STS: variants seen among roughly 807,000 people sequenced by gnomAD.
STS encodes steroid sulfatase, also known as steryl-sulfatase.
Under a neutral mutation model 26.8 loss-of-function variants are expected in STS, and 7 were observed. That is an observed-to-expected ratio of 0.26 (90% CI 0.15 to 0.49). STS has a LOEUF of 0.49. STS is among the 20% of genes least tolerant of loss of function. The pLI, the probability that STS is intolerant of heterozygous loss-of-function variation, is 0.98. For synonymous variants in STS, 199 were observed against 189.4 expected (o/e 1.05, Z -0.42); for missense variants, 434 against 465.6 (o/e 0.93, Z 0.63).
intron 8 of STS, among the ~76,000 whole-genome samples, chrX:7,305,519 G>A (rs1179058680): frequency 8.9e-6 from 1 of 111,963 alleles, no homozygotes; most frequent in Non-Finnish European, 1.9e-5. Flanking sequence ...CAAACTTATG[G>A]GCTTAAAACA....
rs773320156 is a variant in STS at position 7,182,434 on chromosome X, C to T, written c.-133-8446C>T. ...AGGCCTCCTGGAGAGCTTTTGGGGCCGGGTACCTAACTACAAGCAGAAATG... is the reference window on the plus strand; with the variant it reads ...AGGCCTCCTGGAGAGCTTTTGGGGCTGGGTACCTAACTACAAGCAGAAATG... On this transcript the variant is annotated intron_variant, in intron 1 of 10. Transcript: ENST00000674429. Among the ~76,000 whole-genome samples the T allele has an allele frequency of 4.6e-5, 5 of 108,996 alleles. No homozygotes were observed. In the East Asian group the frequency reaches 1.5e-3, roughly 32 times the overall value. The allele number at this position is 108,996 out of a possible 115,157, so 94.6% of individuals were successfully genotyped here.
In STS at chrX:7,257,602, T is replaced by C; in HGVS notation, c.382+14T>C. 8.3e-7 allele frequency: 1 copy of C among 1,211,271 alleles called. No individual in the cohort carries two copies. The highest frequency in any genetic ancestry group is 1.1e-6 in the Non-Finnish European group (1 of 895,284). On this transcript the variant is annotated intron_variant, in intron 5 of 10. Transcript: ENST00000674429. ...CAGCACTGATAGGTATGGACATCTA[T>C]GGGATGGGAACCATCTATAGGTATG...
Position 7,345,279 on chromosome X carries a change from A to G in STS, c.1364-4609A>G, listed in dbSNP as rs542685046. Among the ~76,000 whole-genome samples, 93 of 111,841 alleles carry G rather than the reference A, an allele frequency of 8.3e-4. 1 individual carries two copies. The highest frequency in any genetic ancestry group is 2.9e-3 in the African/African-American group (90 of 30,800). On this transcript the variant is annotated intron_variant, in intron 10 of 10. Coordinates refer to ENST00000674429, the MANE Select transcript of STS (RefSeq NM_001320752.2). ...GAAAATATTGCCCAGACCAACTCAA[A>G]ATTGCAGTTTTCCGGAGCTTATATA... is the stretch of plus-strand genomic sequence containing the variant.
At chrX:7,290,776 C>G (rs1201797431) in intron 7 of STS, among the ~76,000 whole-genome samples, 1 of 111,912 alleles carries the variant, frequency 8.9e-6, no homozygotes, top group Non-Finnish European at 1.9e-5. Context: ...CACTGAGCCC[C>G]CACTTCTTTC....
chrX:7,279,361 A>ATGTGTG (rs149132899), intron 7 of STS, among the ~76,000 whole-genome samples: 124 of 80,729 alleles, frequency 1.5e-3, no homozygotes, highest in African/African-American at 6.1e-3. Context: ...GTGTGTGTAT[A>ATGTGTG]TGTGTGTGTG....
rs1198069234 is a variant in STS, at chrX:7,350,048, C to T, written c.1524C>T (p.Asn508=). 4 of 1,211,844 alleles carry T rather than the reference C, an allele frequency of 3.3e-6. No homozygotes were observed. In the South Asian group the frequency reaches 7.0e-5, roughly 21 times the overall value. Residue 508 remains asparagine, a synonymous_variant, in exon 11 of 11, where the codon AAC becomes AAT. Transcript: ENST00000674429. The part of the protein sequence containing the change: ...FDISKDPRER[N]PLTPASEPRF... ...TTTCCAAAGATCCCAGAGAGAGAAA[C>T]CCACTAACTCCAGCATCCGAGCCCC...
chrX:7,206,833 A>G (rs1920953383), intron 2 of STS, among the ~76,000 whole-genome samples: 1 of 112,445 alleles, frequency 8.9e-6, no homozygotes. Flanking sequence ...GGGAAAAAAC[A>G]GTTACTTAGT....
Position 7,148,093 on chromosome X carries a change from G to A in STS, c.-134+10G>A. 8.8e-7 allele frequency: 1 copy of A among 1,134,465 alleles called. No individual in the cohort carries two copies. The highest frequency in any genetic ancestry group is 1.9e-5 in the African/African-American group (1 of 53,062). 93.5% of individuals were successfully genotyped at this position (1,134,465 alleles called of 1,213,427 possible). ...CCATGTCAAAGATGAGGTGGGTGAC[G>A]GGCTGCGGGGGCGCCGCCATGGTGG... is the stretch of plus-strand genomic sequence containing the variant. On this transcript the variant is annotated intron_variant, in intron 1 of 10. Transcript: ENST00000674429.
At chrX:7,151,812 G>A (rs1933017739) in intron 1 of STS, among the ~76,000 whole-genome samples, 1 of 111,442 alleles carries the variant, frequency 9.0e-6, no homozygotes, top group Non-Finnish European at 1.9e-5. Context: ...AATCCCAGCT[G>A]CCACCCCCAG....
intron 10 of STS, among the ~76,000 whole-genome samples, chrX:7,334,850 G>C (rs1453078743): frequency 8.9e-6 from 1 of 112,310 alleles, no homozygotes; most frequent in Non-Finnish European, 1.9e-5. Flanking sequence ...AATTGAACAG[G>C]ATATCTTGTG....
At chrX:7,319,979 TATATATATTTATATATATATTTTTA>T (rs1569224273) in intron 8 of STS, among the ~76,000 whole-genome samples, 7 of 86,704 alleles carry the variant, frequency 8.1e-5, no homozygotes, top group African/African-American at 3.7e-4. Flanking sequence ...TATATATATG[TATATATATTTATATATATATTTTTA>T]TATATATATT....
intron 9 of STS, among the ~76,000 whole-genome samples, chrX:7,333,031 A>G (rs1273505467): frequency 8.9e-6 from 1 of 112,305 alleles, no homozygotes; most frequent in African/African-American, 3.2e-5. Flanking sequence ...GAGAAAGCTC[A>G]AGGGACATAG....
At chrX:7,151,814 C>T (rs1933017904) in intron 1 of STS, among the ~76,000 whole-genome samples, 1 of 111,518 alleles carries the variant, frequency 9.0e-6, no homozygotes, top group Admixed American at 9.4e-5. Context: ...TCCCAGCTGC[C>T]ACCCCCAGAC....
chrX:7,208,429 A>G (rs189422840), intron 2 of STS, among the ~76,000 whole-genome samples: 19 of 112,252 alleles, frequency 1.7e-4, no homozygotes, highest in Non-Finnish European at 2.8e-4. Flanking sequence ...TTTTCTTTAA[A>G]TATTTTGTGT....
rs186811764 is a variant in STS, at chrX:7,290,393, G to A, written c.943+14306G>A. Reference sequence around the variant, plus strand: ...AATACTACTACTAATAAAGTTACTCGTTCTTCTCTCACTATATACTTACTG... The same window carrying A: ...AATACTACTACTAATAAAGTTACTCATTCTTCTCTCACTATATACTTACTG... On this transcript the variant is annotated intron_variant, in intron 7 of 10. Transcript: ENST00000674429. 1.5e-3 allele frequency among the ~76,000 whole-genome samples: 172 copies of A among 111,743 alleles called. 1 individual carries two copies. Among genetic ancestry groups the A allele is most frequent in the African/African-American group, 5.4e-3 (166 of 30,793 alleles).
At position 7,334,841 on chromosome X, in the gene STS, A is replaced by G. The variant is rs189899092; in HGVS notation, c.1363+734A>G. On this transcript the variant is annotated intron_variant, in intron 10 of 10. Coordinates refer to ENST00000674429, the MANE Select transcript of STS (RefSeq NM_001320752.2). ...AACTGGGGGTTCTTTTAATTGTGCA[A>G]TTGAACAGGATATCTTGTGGGTTTT... Among the ~76,000 whole-genome samples, 15 of 112,544 alleles carry G rather than the reference A, an allele frequency of 1.3e-4. No individual in the cohort carries two copies. The East Asian group carries it at 3.4e-3, about 25-fold the overall frequency.
At chrX:7,246,699 T>G (rs1922900398) in intron 2 of STS, among the ~76,000 whole-genome samples, 1 of 111,879 alleles carries the variant, frequency 8.9e-6, no homozygotes, top group Non-Finnish European at 1.9e-5. Context: ...GGATTTTATG[T>G]TAATGATGTT....
At chrX:7,325,015 G>A (rs1927338925) in intron 8 of STS, among the ~76,000 whole-genome samples, 1 of 111,359 alleles carries the variant, frequency 9.0e-6, no homozygotes, top group Non-Finnish European at 1.9e-5. Flanking sequence ...AAGTAGAAAT[G>A]GAACTTGAAT....
At chrX:7,271,141 T>C (rs1314177328) in intron 6 of STS, among the ~76,000 whole-genome samples, 1 of 110,833 alleles carries the variant, frequency 9.0e-6, no homozygotes, top group Non-Finnish European at 1.9e-5. Flanking sequence ...ACTCACATCC[T>C]GTATGACCAT....
Sources: allele counts gnomAD v4.1 joint callset (sites outside exome capture counted in the v4.1 genomes callset), GRCh38; gene constraint gnomAD v4.1.1; transcripts MANE v1.5; gene names NCBI Gene and HGNC (gene_info 2026-07-23, HGNC 2026-07-21).